Variants in SYN3 observed in about 807,000 individuals in gnomAD.
The protein encoded by SYN3 is synapsin-3.
Under a neutral mutation model 65.8 loss-of-function variants are expected in SYN3, and 35 were observed. The ratio of observed to expected loss-of-function variants is 0.53; its 90% confidence interval spans 0.41 to 0.70. The LOEUF (loss-of-function observed/expected upper bound fraction) is 0.70, where lower values mean the gene tolerates loss of function less well. Among genes scored for constraint, SYN3 ranks in the 30% least tolerant of loss-of-function variants. The pLI, the probability that SYN3 is intolerant of heterozygous loss-of-function variation, is 0.00. For synonymous variants in SYN3, 270 were observed against 292.9 expected, an observed-to-expected ratio of 0.92 and a Z score of 0.80; for missense variants, 680 against 749.0, an observed-to-expected ratio of 0.91 and a Z score of 1.08.
chr22:32,663,533 C>T (rs1379020521), intron 6 of SYN3, among the ~76,000 whole-genome samples: 1 of 152,060 alleles, frequency 6.6e-6, no homozygotes, highest in Non-Finnish European at 1.5e-5. Context: ...CTCCTGACCT[C>T]GTGATCCACC....
At chr22:32,845,341 C>A (rs572393656) in intron 6 of SYN3, among the ~76,000 whole-genome samples, 1 of 152,154 alleles carries the variant, frequency 6.6e-6, no homozygotes, top group African/African-American at 2.4e-5. Context: ...GGACTACAGG[C>A]GGCCCCATGC....
At chr22:32,928,656 A>G (rs2050543464) in intron 4 of SYN3, among the ~76,000 whole-genome samples, 1 of 151,832 alleles carries the variant, frequency 6.6e-6, no homozygotes, top group African/African-American at 2.4e-5. Flanking sequence ...GTGTGGAATT[A>G]TTTTTATTTA....
chr22:32,581,721 T>C (rs2058944697), intron 7 of SYN3, among the ~76,000 whole-genome samples: 2 of 152,116 alleles, frequency 1.3e-5, no homozygotes, highest in Non-Finnish European at 2.9e-5. Context: ...ATAAGGAGTC[T>C]GGATATTGGA....
intron 3 of SYN3, among the ~76,000 whole-genome samples, chr22:32,941,124 T>C (rs558420179): frequency 1.3e-5 from 2 of 152,170 alleles, no homozygotes; most frequent in Non-Finnish European, 2.9e-5. Flanking sequence ...AAAAAAAGTT[T>C]TATTAATTAA....
chr22:33,001,129 A>G (rs1316549277), intron 2 of SYN3, among the ~76,000 whole-genome samples: 3 of 152,292 alleles, frequency 2.0e-5, no homozygotes, highest in Non-Finnish European at 2.9e-5. Flanking sequence ...AATGAGTCTT[A>G]GTTTCTTACT....
At chr22:32,713,773 G>C (rs934659369) in intron 6 of SYN3, among the ~76,000 whole-genome samples, 23 of 151,118 alleles carry the variant, frequency 1.5e-4, no homozygotes, top group Non-Finnish European at 3.4e-4. Flanking sequence ...AACGCTTGCA[G>C]TGAGCCGAGA....
intron 6 of SYN3, among the ~76,000 whole-genome samples, chr22:32,605,316 G>C (rs1361624471): frequency 6.6e-6 from 1 of 152,188 alleles, no homozygotes; most frequent in African/African-American, 2.4e-5. Flanking sequence ...GCAAGCTTGG[G>C]AAGGGCCTGG....
chr22:32,978,754 C>G (rs2052283715), intron 3 of SYN3, among the ~76,000 whole-genome samples: 1 of 152,148 alleles, frequency 6.6e-6, no homozygotes, highest in Non-Finnish European at 1.5e-5. Flanking sequence ...ATTTATTAAG[C>G]TCTCTGAGCC....
In SYN3 at chr22:32,802,119, A is replaced by G. The variant is rs1398464952; in HGVS notation, c.711+62796T>C. ...CCAGGACGCCTTCTGCAACTCCGACATCGGTAAGCGCTCCTGGTGCCCCGC... is the reference window on the plus strand; with the variant it reads ...CCAGGACGCCTTCTGCAACTCCGACGTCGGTAAGCGCTCCTGGTGCCCCGC... On this transcript the variant is annotated intron_variant, in intron 6 of 13. Coordinates refer to ENST00000358763, the MANE Select transcript of SYN3 (RefSeq NM_003490.4). 3.2e-6 allele frequency: 5 copies of G among 1,581,940 alleles called. No individual in the cohort carries two copies. Among genetic ancestry groups the G allele is most frequent in the East Asian group, 2.3e-5 (1 of 43,698 alleles).
intron 7 of SYN3, among the ~76,000 whole-genome samples, chr22:32,563,276 A>G (rs894762852): frequency 1.3e-5 from 2 of 152,230 alleles, no homozygotes; most frequent in Non-Finnish European, 2.9e-5. Flanking sequence ...GAATAATCCT[A>G]TGAAGATCAC....
chr22:32,858,674 T>G (rs1397575738), intron 6 of SYN3, among the ~76,000 whole-genome samples: 1 of 152,152 alleles, frequency 6.6e-6, no homozygotes, highest in African/African-American at 2.4e-5. Context: ...CACTTCATCT[T>G]CAAAACAGTC....
chr22:32,567,219 A>G (rs914625798), intron 7 of SYN3, among the ~76,000 whole-genome samples: 1 of 152,156 alleles, frequency 6.6e-6, no homozygotes, highest in African/African-American at 2.4e-5. Flanking sequence ...GTTTTCTCCA[A>G]CTGTGCTCAG....
intron 7 of SYN3, among the ~76,000 whole-genome samples, chr22:32,581,893 G>C (rs189849165): frequency 7.0e-6 from 1 of 143,526 alleles, no homozygotes; most frequent in Admixed American, 7.2e-5. Flanking sequence ...GCTTCCTGAA[G>C]AATTGAAGCA....
chr22:32,572,377 C>CCCT, intron 7 of SYN3, among the ~76,000 whole-genome samples: 1 of 52,826 alleles, frequency 1.9e-5, no homozygotes, highest in Non-Finnish European at 3.7e-5. Flanking sequence ...CACCCTCCCT[C>CCCT]CCATCTTTCC....
chr22:32,913,954 A>G (rs2050124779), intron 4 of SYN3, among the ~76,000 whole-genome samples: 2 of 152,226 alleles, frequency 1.3e-5, no homozygotes, highest in Non-Finnish European at 2.9e-5. Context: ...AATCGACAAT[A>G]ATCGTAGCTA....
At position 32,864,931 on chromosome 22, in the gene SYN3, G is replaced by A. The variant is rs748050832; in HGVS notation, c.695C>T (p.Pro232Leu). The A allele has an allele frequency of 6.2e-7, 1 of 1,614,088 alleles. No homozygotes were observed. The highest frequency in any genetic ancestry group is 8.5e-7 in the Non-Finnish European group (1 of 1,179,950). The change falls in exon 6 of 14, where the codon CCC becomes CTC. Residue 232 changes from proline to leucine, a missense_variant. Coordinates refer to ENST00000358763, the MANE Select transcript of SYN3 (RefSeq NM_003490.4). ...KFPLVEQTFF[P>L]NHKPMVTAPH... ...GGCACTCACCATTGGCTTATGGTTG[G>A]GGAAAAATGTTTGCTCCACAAGCGG...
intron 1 of SYN3, among the ~76,000 whole-genome samples, chr22:33,032,972 G>T (rs753130925): frequency 2.6e-5 from 4 of 151,772 alleles, no homozygotes; most frequent in Non-Finnish European, 4.4e-5. Context: ...AGGGCCTCTC[G>T]ACTGCTCTCT....
intron 3 of SYN3, among the ~76,000 whole-genome samples, chr22:32,965,598 G>A (rs2051810366): frequency 1.3e-5 from 2 of 151,330 alleles, no homozygotes; most frequent in Non-Finnish European, 3.0e-5. Context: ...GTGTGCGTAA[G>A]AGAGAGAGAG....
At chr22:32,976,232 A>G (rs962800324) in intron 3 of SYN3, among the ~76,000 whole-genome samples, 8 of 152,194 alleles carry the variant, frequency 5.3e-5, no homozygotes, top group Non-Finnish European at 7.3e-5. Flanking sequence ...AGCAACTAGT[A>G]TTCATATGTA....
Sources: allele counts gnomAD v4.1 joint callset (sites outside exome capture counted in the v4.1 genomes callset), GRCh38; gene constraint gnomAD v4.1.1; transcripts MANE v1.5; gene names NCBI Gene and HGNC (gene_info 2026-07-23, HGNC 2026-07-21).